BBOX1: variants seen among roughly 807,000 people sequenced by gnomAD.
BBOX1 encodes gamma-butyrobetaine dioxygenase.
BBOX1 carries 35 observed loss-of-function variants against 41.6 expected under a neutral mutation model. The ratio of observed to expected loss-of-function variants is 0.84; its 90% CI spans 0.64 to 1.11. The LOEUF (loss-of-function observed/expected upper bound fraction) is 1.11, where lower values mean the gene tolerates loss of function less well. Ranked by LOEUF, BBOX1 falls within the 50% of genes most tolerant of loss-of-function variation. The probability of loss-of-function intolerance (pLI) is 0.00; values close to 1 mark genes in which losing one functional copy is unlikely to be tolerated. For missense variants in BBOX1, 458 were observed against 460.6 expected, an observed-to-expected ratio of 0.99 and a Z score of 0.05; for synonymous variants, 163 against 154.7, an observed-to-expected ratio of 1.05 and a Z score of -0.40.
intron 4 of BBOX1, among the ~76,000 whole-genome samples, chr11:27,091,099 T>A (rs559772045): frequency 1.3e-3 from 191 of 152,062 alleles, no homozygotes; most frequent in African/African-American, 4.4e-3. Flanking sequence ...CATAAGAAAT[T>A]ATAAAAGTAT....
chr11:27,087,768 G>C (rs1858095240), intron 4 of BBOX1, among the ~76,000 whole-genome samples: 1 of 152,032 alleles, frequency 6.6e-6, no homozygotes, highest in Admixed American at 6.6e-5. Flanking sequence ...TTGGTACACA[G>C]GTTCTAATGG....
intron 4 of BBOX1, among the ~76,000 whole-genome samples, chr11:27,070,313 T>C (rs1462907777): frequency 6.6e-6 from 1 of 152,172 alleles, no homozygotes; most frequent in Non-Finnish European, 1.5e-5. Flanking sequence ...TGTTGCTTTG[T>C]TGACTTTCTG....
chr11:27,103,358 T>C (rs914401701), intron 5 of BBOX1, among the ~76,000 whole-genome samples: 1 of 152,182 alleles, frequency 6.6e-6, no homozygotes, highest in South Asian at 2.1e-4. Flanking sequence ...AAAATGTTTC[T>C]GGAATCATAT....
At chr11:27,065,616 A>G (rs1357837884) in intron 4 of BBOX1, among the ~76,000 whole-genome samples, 4 of 152,132 alleles carry the variant, frequency 2.6e-5, no homozygotes, top group Non-Finnish European at 5.9e-5. Flanking sequence ...CTTCATTTGT[A>G]AGCTCCAGAT....
intron 4 of BBOX1, among the ~76,000 whole-genome samples, chr11:27,063,425 A>G (rs531813301): frequency 1.3e-5 from 2 of 152,308 alleles, no homozygotes; most frequent in South Asian, 2.1e-4. Flanking sequence ...TGATATACAT[A>G]TGAAGCTAAA....
At chr11:27,123,744 C>T (rs1260893866) in intron 7 of BBOX1, among the ~76,000 whole-genome samples, 1 of 152,116 alleles carries the variant, frequency 6.6e-6, no homozygotes, top group Non-Finnish European at 1.5e-5. Context: ...TTTCTACTGA[C>T]TTCCCTTCCA....
intron 4 of BBOX1, among the ~76,000 whole-genome samples, chr11:27,066,284 T>C (rs1857276873): frequency 6.6e-6 from 1 of 152,166 alleles, no homozygotes; most frequent in Admixed American, 6.6e-5. Flanking sequence ...CATTGGCAGT[T>C]GGGCTACAAG....
At chr11:27,063,153 C>T (rs1857182016) in intron 4 of BBOX1, 1 of 152,124 alleles carries the variant, frequency 6.6e-6, no homozygotes, top group African/African-American at 2.4e-5. Context: ...TGTAGGACAG[C>T]AAGTTGCCGG....
At chr11:27,067,115 ATCAAC>A (rs1857311996) in intron 4 of BBOX1, among the ~76,000 whole-genome samples, 1 of 152,174 alleles carries the variant, frequency 6.6e-6, no homozygotes, top group Non-Finnish European at 1.5e-5. Flanking sequence ...CACCATACAT[ATCAAC>A]TCATTATTTT....
At chr11:27,048,749 CTT>C (rs35376713) in intron 2 of BBOX1, among the ~76,000 whole-genome samples, 4 of 132,964 alleles carry the variant, frequency 3.0e-5, no homozygotes, top group Admixed American at 7.7e-5. Context: ...AATGGTAGTT[CTT>C]TTTTTTTTTT....
At chr11:27,047,290 G>C (rs1426481028) in intron 2 of BBOX1, 1 of 152,136 alleles carries the variant, frequency 6.6e-6, no homozygotes, top group Non-Finnish European at 1.5e-5. Flanking sequence ...TTGGAAATGT[G>C]CTTCTGCCTC....
intron 4 of BBOX1, among the ~76,000 whole-genome samples, chr11:27,077,243 G>T (rs984075107): frequency 9.9e-5 from 15 of 152,114 alleles, no homozygotes; most frequent in Non-Finnish European, 2.9e-5. Flanking sequence ...CCATGCTGGA[G>T]ACTGGGAATG....
chr11:27,122,031 T>C (rs1470513722), intron 7 of BBOX1, among the ~76,000 whole-genome samples: 1 of 152,162 alleles, frequency 6.6e-6, no homozygotes, highest in East Asian at 1.9e-4. Context: ...AAGTATATTT[T>C]CAACAACAGG....
intron 2 of BBOX1, among the ~76,000 whole-genome samples, chr11:27,049,708 G>A (rs1365579709): frequency 6.6e-6 from 1 of 152,130 alleles, no homozygotes; most frequent in Non-Finnish European, 1.5e-5. Flanking sequence ...CATACAGAAT[G>A]ATATAGGATG....
At chr11:27,078,361 T>C (rs1349606858) in intron 4 of BBOX1, among the ~76,000 whole-genome samples, 1 of 152,116 alleles carries the variant, frequency 6.6e-6, no homozygotes, top group Non-Finnish European at 1.5e-5. Flanking sequence ...TTGAGGTACA[T>C]GTGCACAACG....
At chr11:27,060,066 C>G (rs1235182393) in intron 4 of BBOX1, among the ~76,000 whole-genome samples, 1 of 151,998 alleles carries the variant, frequency 6.6e-6, no homozygotes, top group African/African-American at 2.4e-5. Flanking sequence ...GGGCGAGGAG[C>G]AAAATGATAT....
intron 3 of BBOX1, among the ~76,000 whole-genome samples, 193 bp downstream of exon 3, chr11:27,055,842 A>G (rs1856964189): frequency 6.6e-6 from 1 of 152,176 alleles, no homozygotes; most frequent in Non-Finnish European, 1.5e-5. Context: ...TACTATTATC[A>G]TTACTACTAC....
chr11:27,092,035 T>A (rs1858263044), intron 4 of BBOX1, among the ~76,000 whole-genome samples: 1 of 151,972 alleles, frequency 6.6e-6, no homozygotes, highest in Non-Finnish European at 1.5e-5. Flanking sequence ...AAGAAGTGGC[T>A]CCGTGCACCT....
intron 4 of BBOX1, among the ~76,000 whole-genome samples, chr11:27,071,547 C>T (rs1812092476): frequency 6.6e-6 from 1 of 152,086 alleles, no homozygotes; most frequent in Admixed American, 6.6e-5. Flanking sequence ...TGACTTCCCC[C>T]TTGCTGTTCC....
Sources: gnomAD v4.1 joint callset for allele counts (sites outside exome capture counted in the v4.1 genomes callset) on GRCh38, gnomAD v4.1.1 for gene constraint, MANE v1.5 for transcripts, NCBI Gene and HGNC (gene_info 2026-07-23, HGNC 2026-07-21) for gene names.